MCM9: variants seen among roughly 807,000 people sequenced by gnomAD.
The protein encoded by MCM9 is DNA helicase MCM9.
A neutral mutation model predicts 72.8 loss-of-function variants in MCM9; 55 were observed. That is an observed-to-expected ratio of 0.76 (90% confidence interval 0.61 to 0.95). The LOEUF (loss-of-function observed/expected upper bound fraction) is 0.95. Ranked by LOEUF, MCM9 falls within the 40% of genes least tolerant of loss-of-function variation. The probability of loss-of-function intolerance (pLI) is 0.00; values close to 1 mark genes in which losing one functional copy is unlikely to be tolerated. For missense variants in MCM9, 1,279 were observed against 1,377.0 expected, an observed-to-expected ratio of 0.93 and a Z score of 1.13; for synonymous variants, 480 against 503.4, an observed-to-expected ratio of 0.95 and a Z score of 0.62.
At chr6:118,875,543 G>A (rs1360148371) in intron 8 of MCM9, among the ~76,000 whole-genome samples, 1 of 151,918 alleles carries the variant, frequency 6.6e-6, no homozygotes, top group Non-Finnish European at 1.5e-5. Context: ...GACTGAGGTG[G>A]GAGCATCACT....
In MCM9 at chr6:118,885,377, G is replaced by T. The variant is rs148116499; in HGVS notation, c.1150+26273C>A. ...TTAAAGCAGAAATTACTGGAATAGA[G>T]AATAAAAATAGAGAAAATTAATGAA... On this transcript the variant is annotated intron_variant, in intron 8 of 13. Coordinates refer to ENST00000619706, the MANE Select transcript of MCM9 (RefSeq NM_017696.3). 4.3e-4 allele frequency among the ~76,000 whole-genome samples: 66 copies of T among 152,174 alleles called. 2 individuals are homozygous for T. The East Asian group carries it at 0.013, about 29-fold the overall frequency.
Position 118,827,961 on chromosome 6 carries a change from A to G in MCM9, c.1698T>C (p.Ile566=), listed in dbSNP as rs1399439034. Reference sequence around the variant, plus strand: ...ATCGTATCAAGCTTTCCAACAGCCGAATGGTGGTCCGGGCAGCGTTCCGGC... The same window carrying G: ...ATCGTATCAAGCTTTCCAACAGCCGGATGGTGGTCCGGGCAGCGTTCCGGC... ...SDCRNAARTT[I]RLLESLIRLA... The change falls in exon 11 of 14, where the codon ATT becomes ATC. Residue 566 remains isoleucine (I), a synonymous_variant. Transcript: ENST00000619706. 2 of 1,550,896 alleles carry G rather than the reference A, an allele frequency of 1.3e-6. No homozygotes were observed. The highest frequency in any genetic ancestry group is 2.7e-5 in the African/African-American group (2 of 73,046).
chr6:118,824,453 C>T (rs1319429018), intron 13 of MCM9, among the ~76,000 whole-genome samples: 8 of 151,850 alleles, frequency 5.3e-5, no homozygotes, highest in African/African-American at 1.2e-4. Context: ...GAATTACAGG[C>T]GCCCGCCAAC....
At chr6:118,859,464 G>C (rs1020075785) in intron 8 of MCM9, among the ~76,000 whole-genome samples, 14 of 152,170 alleles carry the variant, frequency 9.2e-5, no homozygotes, top group Middle Eastern at 3.4e-3. Flanking sequence ...GAGATCAGAG[G>C]ACAAATTACT....
chr6:118,821,139 G>T (rs916248127), intron 13 of MCM9, among the ~76,000 whole-genome samples: 5 of 152,072 alleles, frequency 3.3e-5, no homozygotes, highest in Non-Finnish European at 7.3e-5. Flanking sequence ...GGTTAATATT[G>T]TTATGTATGA....
rs1399004076 is a variant in MCM9, at chr6:118,826,274, C to G, written c.1834G>C (p.Gly612Arg). The G allele has an allele frequency of 2.6e-6, 4 of 1,550,064 alleles. No individual in the cohort carries two copies. Among genetic ancestry groups the G allele is most frequent in the Non-Finnish European group, 3.5e-6 (4 of 1,146,754 alleles). Residue 612 changes from glycine to arginine, a missense_variant, in exon 13 of 14, where the codon GGT (glycine) becomes CGT (arginine). Coordinates refer to ENST00000619706, the MANE Select transcript of MCM9 (RefSeq NM_017696.3). ...SSMQGGALLG[G>R]VNALHTSFPE... ...AAGGAAGTGTGGAGGGCATTCACACCTCCTAGCAGTGCACCTCCCTGAAGG... is the reference window on the plus strand; with the variant it reads ...AAGGAAGTGTGGAGGGCATTCACACGTCCTAGCAGTGCACCTCCCTGAAGG...
In MCM9 at chr6:118,814,686, G is replaced by C; in HGVS notation, c.*138C>G. 1 of 803,050 alleles carries C rather than the reference G, an allele frequency of 1.2e-6. No homozygotes were observed. Among genetic ancestry groups the C allele is most frequent in the Non-Finnish European group, 1.9e-6 (1 of 540,534 alleles). 49.7% of individuals were successfully genotyped at this position (803,050 alleles called of 1,614,324 possible). ...ATGAAGATTAACCTGAAATTAGAAA[G>C]CCTTAAGGGGGAGCCAGTATTCAGA... On this transcript the variant is annotated 3_prime_UTR_variant, in exon 14 of 14. Coordinates refer to ENST00000619706, the MANE Select transcript of MCM9 (RefSeq NM_017696.3).
intron 9 of MCM9, among the ~76,000 whole-genome samples, chr6:118,843,007 C>T (rs1775491232): frequency 6.6e-6 from 1 of 152,098 alleles, no homozygotes; most frequent in Admixed American, 6.5e-5. Context: ...TTCAAGAAGA[C>T]CTATATTTTG....
intron 8 of MCM9, chr6:118,907,552 G>C (rs1222801902): frequency 6.2e-7 from 1 of 1,613,622 alleles, no homozygotes. Flanking sequence ...AGCATCAAAG[G>C]GATGGTCCAC....
intron 8 of MCM9, among the ~76,000 whole-genome samples, chr6:118,898,245 G>C (rs181360065): frequency 7.2e-5 from 11 of 152,156 alleles, no homozygotes; most frequent in South Asian, 2.1e-4. Context: ...TAAACAATAG[G>C]TATGAAGTAG....
chr6:118,848,525 C>A (rs930380042), intron 9 of MCM9, among the ~76,000 whole-genome samples: 1 of 151,844 alleles, frequency 6.6e-6, no homozygotes, highest in Non-Finnish European at 1.5e-5. Flanking sequence ...TACAGTTATA[C>A]CGTCTACATC....
At position 118,829,088 on chromosome 6, in the gene MCM9, G is replaced by T; in HGVS notation, c.1488C>A (p.Asp496Glu). 1 of 1,550,660 alleles carries T rather than the reference G, an allele frequency of 6.4e-7. No homozygotes were observed. The highest frequency in any genetic ancestry group is 1.2e-5 in the South Asian group (1 of 84,056). Residue 496 changes from aspartate (D) to glutamate (E), a missense_variant, in exon 10 of 14, where the codon GAC (aspartate) becomes GAA (glutamate). Transcript: ENST00000619706. ...ILVLLDTKNE[D>E]WDRIISSFIL... ...TAAAGGAGGAAATGATACGATCCCA[G>T]TCTTCATTCTTGGTATCAAGCAAAA...
chr6:118,824,961 C>G lies in MCM9; in HGVS notation c.1961+1186G>C, dbSNP rs536032429. ...CCTGTCTTTTAGATTGTCAAATACT[C>G]TTTCGTTTTTCCTTTCTTTCCCTCC... is the stretch of plus-strand genomic sequence containing the variant. On this transcript the variant is annotated intron_variant, in intron 13 of 13. Transcript: ENST00000619706. 5.9e-5 allele frequency among the ~76,000 whole-genome samples: 9 copies of G among 152,318 alleles called. No homozygotes were observed. In the East Asian group the frequency reaches 1.7e-3, roughly 29 times the overall value.
At position 118,826,143 on chromosome 6, in the gene MCM9, T is replaced by C; in HGVS notation, c.1961+4A>G. On this transcript the variant is annotated splice_donor_region_variant and intron_variant, in intron 13 of 13. Transcript: ENST00000619706. ...GTATGCCTTTCTGGGTTTTCATTCCTCACCTTTCAAGTCTTCTAAGCTCTT... is the reference window on the plus strand; with the variant it reads ...GTATGCCTTTCTGGGTTTTCATTCCCCACCTTTCAAGTCTTCTAAGCTCTT... The C allele has an allele frequency of 1.3e-6, 2 of 1,544,006 alleles. No individual in the cohort carries two copies. Among genetic ancestry groups the C allele is most frequent in the Non-Finnish European group, 8.7e-7 (1 of 1,145,110 alleles).
At chr6:118,911,008 CAA>C (rs1450176857) in intron 8 of MCM9, 1 of 985,116 alleles carries the variant, frequency 1.0e-6, no homozygotes, top group Non-Finnish European at 1.2e-6. Flanking sequence ...ATTACCCAAT[CAA>C]AACTGTAAAA....
At chr6:118,904,503 C>T (rs1028690869) in intron 8 of MCM9, among the ~76,000 whole-genome samples, 2 of 152,236 alleles carry the variant, frequency 1.3e-5, no homozygotes, top group Non-Finnish European at 2.9e-5. Context: ...CCTCAGCCAT[C>T]ACTGCCTGTG....
At chr6:118,834,059 C>T (rs1340743797) in intron 9 of MCM9, among the ~76,000 whole-genome samples, 5 of 152,032 alleles carry the variant, frequency 3.3e-5, no homozygotes, top group Admixed American at 6.6e-5. Context: ...TTCCCCTCCC[C>T]GTGTCCATGT....
intron 8 of MCM9, among the ~76,000 whole-genome samples, chr6:118,906,116 A>G (rs1329238106): frequency 6.6e-6 from 1 of 152,166 alleles, no homozygotes; most frequent in East Asian, 1.9e-4. Flanking sequence ...TCTGTTGCTC[A>G]GGCTGGAGCG....
chr6:118,856,381 C>T lies in MCM9; in HGVS notation c.1315G>A (p.Ala439Thr). 14 of 1,533,848 alleles carry T rather than the reference C, an allele frequency of 9.1e-6. No individual in the cohort carries two copies. The highest frequency in any genetic ancestry group is 1.2e-5 in the Non-Finnish European group (14 of 1,146,390). The change falls in exon 9 of 14, where the codon GCT becomes ACT. Residue 439 changes from alanine (A) to threonine (T), a missense_variant. Physicochemically the swap from Ala to Thr is moderately conservative, Grantham distance 58 (BLOSUM62 0). Coordinates refer to ENST00000619706, the MANE Select transcript of MCM9 (RefSeq NM_017696.3). The part of the protein sequence containing the change: ...EAMEQQTISV[A>T]KAGLVCKLNT... ...TAAAGAAACTCTTACCCAGCCTTAG[C>T]AACACTTATGGTTTGTTGCTCCATT...
Sources: allele counts gnomAD v4.1 joint callset (sites outside exome capture counted in the v4.1 genomes callset), GRCh38; gene constraint gnomAD v4.1.1; transcripts MANE v1.5; gene names NCBI Gene and HGNC (gene_info 2026-07-23, HGNC 2026-07-21).